LRRIQ1: variants seen among roughly 807,000 people sequenced by gnomAD.
LRRIQ1 encodes the protein leucine-rich repeat- and IQ domain-containing protein 1.
Under a neutral mutation model 211.9 loss-of-function variants are expected in LRRIQ1, and 210 were observed. That is an observed-to-expected ratio of 0.99 (90% confidence interval 0.89 to 1.11). The LOEUF is 1.11. LRRIQ1 is among the 50% of genes most tolerant of loss of function. The probability of loss-of-function intolerance (pLI) is 0.00; values close to 1 mark genes in which losing one functional copy is unlikely to be tolerated. For synonymous variants in LRRIQ1, 699 were observed against 650.1 expected (o/e 1.08, Z -1.14); for missense variants, 2,136 against 1,939.5 (o/e 1.10, Z -1.90).
downstream of LRRIQ1, among the ~76,000 whole-genome samples, chr12:85,268,397 G>A (rs1479947671): frequency 2.0e-5 from 3 of 151,942 alleles, no homozygotes; most frequent in Non-Finnish European, 4.4e-5. Context: ...GACTCCTTAT[G>A]CAATGCTCTA....
At chr12:85,236,830 C>CATATATATCTCT (rs1555228691) in intron 26 of LRRIQ1, among the ~76,000 whole-genome samples, 5 of 108,810 alleles carry the variant, frequency 4.6e-5, no homozygotes, top group African/African-American at 2.2e-4. Flanking sequence ...TGTATGTGTG[C>CATATATATCTCT]ATATATATAT....
chr12:85,048,152 T>C (rs953553194), intron 6 of LRRIQ1: 12 of 152,340 alleles, frequency 7.9e-5, no homozygotes, highest in African/African-American at 2.9e-4. Flanking sequence ...AGTTGATTTA[T>C]ACATTATCCA....
rs1292723494 is a variant in LRRIQ1 at position 85,215,310 on chromosome 12, G to T, written c.4823-14207G>T. 2.0e-5 allele frequency among the ~76,000 whole-genome samples: 3 copies of T among 152,130 alleles called. No homozygotes were observed. In the East Asian group the frequency reaches 5.8e-4, roughly 29 times the overall value. ...CTTCAAGCAACACTCATAGATATTT[G>T]CATCATAGGAAGCCTTGCACAAGGA... is the stretch of plus-strand genomic sequence containing the variant. On this transcript the variant is annotated intron_variant, in intron 24 of 26. Coordinates refer to ENST00000393217, the MANE Select transcript of LRRIQ1 (RefSeq NM_001079910.2).
At chr12:85,042,699 CAA>C (rs1192764638) in intron 3 of LRRIQ1, among the ~76,000 whole-genome samples, 1 of 150,970 alleles carries the variant, frequency 6.6e-6, no homozygotes, top group African/African-American at 2.4e-5. Flanking sequence ...TTCAAGAAAA[CAA>C]ATTATCAAAA....
rs375749208 is a variant in LRRIQ1 at position 85,160,601 on chromosome 12, C to T, written c.4721-12C>T. The T allele has an allele frequency of 1.2e-4, 180 of 1,523,924 alleles. 1 individual carries two copies. Among genetic ancestry groups the T allele is most frequent in the Admixed American group, 3.1e-4 (18 of 58,804 alleles). 94.4% of individuals were successfully genotyped at this position (1,523,924 alleles called of 1,614,324 possible). The stretch of plus-strand genomic sequence containing the variant: ...AGATGAACTCTGCTCCTTTCTTATT[C>T]GTTTTGTTTAGATTCCACTGTGCGT... On this transcript the variant is annotated splice_polypyrimidine_tract_variant and intron_variant, in intron 23 of 26. Transcript: ENST00000393217.
rs553061389 is a variant in LRRIQ1, at chr12:85,195,233, C to A, written c.4823-34284C>A. On this transcript the variant is annotated intron_variant, in intron 24 of 26. Coordinates refer to ENST00000393217, the MANE Select transcript of LRRIQ1 (RefSeq NM_001079910.2). Reference sequence around the variant, plus strand: ...GACCAGATGGATTCACAGCCGAATTCTACCAGAGGTACAAGGAGGAACTGG... The same window carrying A: ...GACCAGATGGATTCACAGCCGAATTATACCAGAGGTACAAGGAGGAACTGG... Among the ~76,000 whole-genome samples the A allele has an allele frequency of 3.3e-4, 50 of 151,918 alleles. 1 individual carries two copies. Among genetic ancestry groups the A allele is most frequent in the Admixed American group, 3.0e-3 (46 of 15,248 alleles).
chr12:85,263,475 T>C (rs1896353318), exon 2 of LRRIQ1: 1 of 152,050 alleles, frequency 6.6e-6, no homozygotes, highest in African/African-American at 2.4e-5. Context: ...TTTATTAGAT[T>C]ATCGTACTTG....
intron 24 of LRRIQ1, among the ~76,000 whole-genome samples, chr12:85,218,272 T>G (rs1271946032): frequency 2.0e-5 from 3 of 152,048 alleles, no homozygotes; most frequent in Non-Finnish European, 4.4e-5. Flanking sequence ...AGTTTTGTGT[T>G]AATCATCAGT....
intron 24 of LRRIQ1, among the ~76,000 whole-genome samples, chr12:85,174,658 C>T (rs1224505904): frequency 6.8e-5 from 9 of 131,810 alleles, no homozygotes; most frequent in Non-Finnish European, 1.2e-4. Context: ...ACCAAGATCA[C>T]GCCACTGTAC....
intron 6 of LRRIQ1, among the ~76,000 whole-genome samples, chr12:85,048,744 A>G (rs1380971966): frequency 6.6e-6 from 1 of 152,180 alleles, no homozygotes; most frequent in East Asian, 1.9e-4. Flanking sequence ...TTTAAAAAAA[A>G]GAAATCCAAA....
At chr12:85,164,074 C>T (rs1191120598) in intron 24 of LRRIQ1, among the ~76,000 whole-genome samples, 3 of 152,134 alleles carry the variant, frequency 2.0e-5, no homozygotes, top group Non-Finnish European at 4.4e-5. Context: ...AATCAGATGC[C>T]TGTCTTTGTT....
intron 24 of LRRIQ1, among the ~76,000 whole-genome samples, chr12:85,174,900 T>C (rs1022572153): frequency 6.6e-6 from 1 of 151,744 alleles, no homozygotes; most frequent in African/African-American, 2.4e-5. Context: ...ATTTGAAAAA[T>C]GTCATAAAAC....
chr12:85,071,975 A>T (rs1883131702), intron 10 of LRRIQ1, among the ~76,000 whole-genome samples: 1 of 152,030 alleles, frequency 6.6e-6, no homozygotes, highest in African/African-American at 2.4e-5. Flanking sequence ...TAGTACTTTT[A>T]CCACAAATGC....
chr12:85,078,902 A>T (rs1479862691), intron 11 of LRRIQ1, among the ~76,000 whole-genome samples: 1 of 152,184 alleles, frequency 6.6e-6, no homozygotes, highest in African/African-American at 2.4e-5. Context: ...GATTCACAAA[A>T]ATTTTATAAA....
intron 24 of LRRIQ1, among the ~76,000 whole-genome samples, chr12:85,169,768 A>C (rs1276903107): frequency 6.6e-6 from 1 of 152,080 alleles, no homozygotes; most frequent in Non-Finnish European, 1.5e-5. Flanking sequence ...CTCATTTATT[A>C]ATTTAAACTG....
intron 1 of LRRIQ1, among the ~76,000 whole-genome samples, chr12:85,036,744 C>T (rs2135837988): frequency 7.0e-6 from 1 of 142,196 alleles, no homozygotes; most frequent in South Asian, 2.3e-4. Flanking sequence ...GTCTCTCTTT[C>T]TTTCTTTTTT....
chr12:85,127,886 G>A lies in LRRIQ1; in HGVS notation c.4062G>A (p.Gln1354=). ...GGCGTGGTTACCTCATGCGCAGACA[G>A]ACTCATTTCTCCACAAGGCTACATA... ...SYWRGYLMRR[Q]THFSTRLHTA... is the part of the protein sequence containing the mutation. Residue 1354 remains glutamine (Q), a synonymous_variant, in exon 18 of 27, where the codon CAG becomes CAA. Coordinates refer to ENST00000393217, the MANE Select transcript of LRRIQ1 (RefSeq NM_001079910.2). 1 of 1,613,996 alleles carries A rather than the reference G, an allele frequency of 6.2e-7. No homozygotes were observed. Among genetic ancestry groups the A allele is most frequent in the South Asian group, 1.1e-5 (1 of 91,068 alleles).
intron 24 of LRRIQ1, among the ~76,000 whole-genome samples, chr12:85,167,577 G>A (rs1216904768): frequency 2.6e-5 from 4 of 152,192 alleles, no homozygotes; most frequent in African/African-American, 4.8e-5. Context: ...GACTCAGCAA[G>A]TCTCTCTTCC....
Position 85,131,287 on chromosome 12 carries a change from A to T in LRRIQ1, c.4209+3254A>T, listed in dbSNP as rs140026692. Among the ~76,000 whole-genome samples, 99 of 151,918 alleles carry T rather than the reference A, an allele frequency of 6.5e-4. 2 individuals are homozygous for T. In the East Asian group the frequency reaches 0.015, roughly 24 times the overall value. On this transcript the variant is annotated intron_variant, in intron 18 of 26. Coordinates refer to ENST00000393217, the MANE Select transcript of LRRIQ1 (RefSeq NM_001079910.2). ...ATCTACCCCATAAAATCTCCCACAG[A>T]CACTCCTTCATTTCATTTTCCCTTT...
Sources: gnomAD v4.1 joint callset for allele counts (sites outside exome capture counted in the v4.1 genomes callset) on GRCh38, gnomAD v4.1.1 for gene constraint, MANE v1.5 for transcripts, NCBI Gene and HGNC (gene_info 2026-07-23, HGNC 2026-07-21) for gene names.